Variants in HMGA2 observed in about 807,000 individuals in gnomAD.
HMGA2 encodes high mobility group AT-hook 2, also known as high mobility group protein HMGI-C.
A neutral mutation model predicts 19.1 loss-of-function variants in HMGA2; 8 were observed. That is an observed-to-expected ratio of 0.42 (90% CI 0.25 to 0.76). The LOEUF is 0.76. HMGA2 is among the 30% of genes least tolerant of loss of function. The pLI, the probability that HMGA2 is intolerant of heterozygous loss-of-function variation, is 0.28. For synonymous variants in HMGA2, 60 were observed against 48.8 expected, an observed-to-expected ratio of 1.23 and a Z score of -0.96; for missense variants, 109 against 136.3, an observed-to-expected ratio of 0.80 and a Z score of 1.00.
intron 3 of HMGA2, among the ~76,000 whole-genome samples, chr12:65,869,389 G>C (rs921471389): frequency 6.6e-6 from 1 of 152,242 alleles, no homozygotes; most frequent in Middle Eastern, 3.4e-3. Flanking sequence ...ATTCCATCTG[G>C]GTGGTTGATG....
chr12:65,918,997 A>T (rs778138749), intron 3 of HMGA2, among the ~76,000 whole-genome samples: 8 of 152,216 alleles, frequency 5.3e-5, no homozygotes, highest in Non-Finnish European at 1.2e-4. Flanking sequence ...TACGGTTCTG[A>T]TAAATCTCTC....
At chr12:65,937,635 A>T (rs1363241166) in intron 3 of HMGA2, among the ~76,000 whole-genome samples, 1 of 152,180 alleles carries the variant, frequency 6.6e-6, no homozygotes, top group Non-Finnish European at 1.5e-5. Context: ...TGGTCCACAA[A>T]TCTGGATTTG....
chr12:65,926,311 CAG>C (rs1166904919), intron 3 of HMGA2, among the ~76,000 whole-genome samples: 2 of 152,214 alleles, frequency 1.3e-5, no homozygotes, highest in East Asian at 1.9e-4. Context: ...GCTTCCTACT[CAG>C]GGGGAGGATT....
chr12:65,866,079 A>G (rs1463169243), intron 3 of HMGA2, among the ~76,000 whole-genome samples: 5 of 152,200 alleles, frequency 3.3e-5, no homozygotes, highest in African/African-American at 1.2e-4. Flanking sequence ...GGACCTCTAT[A>G]TTAGAGAGAA....
chr12:65,956,332 G>A (rs969264135), intron 4 of HMGA2: 1 of 152,180 alleles, frequency 6.6e-6, no homozygotes, highest in Non-Finnish European at 1.5e-5. Context: ...CGGTTTTGTT[G>A]TATAGGAAAT....
In HMGA2 at chr12:65,964,759, A is replaced by T; in HGVS notation, c.*1467A>T. On this transcript the variant is annotated 3_prime_UTR_variant, in exon 5 of 5. Coordinates refer to ENST00000403681, the MANE Select transcript of HMGA2 (RefSeq NM_003483.6). ...GTTTTTTTAATTAAAAATTTTTAAA[A>T]TACTTGTTTCAGCTTCTCTGCTAGA... 5.1e-6 allele frequency: 1 copy of T among 196,282 alleles called. No homozygotes were observed. The highest frequency in any genetic ancestry group is 8.0e-5 in the East Asian group (1 of 12,452). The allele number at this position is 196,282 out of a possible 1,614,324, so 12.2% of individuals were successfully genotyped here.
chr12:65,892,511 C>CT (rs1417360771), intron 3 of HMGA2, among the ~76,000 whole-genome samples: 1 of 152,138 alleles, frequency 6.6e-6, no homozygotes, highest in Admixed American at 6.5e-5. Context: ...CTAGCTGACT[C>CT]TTTTTTGTCT....
At chr12:65,849,734 G>GTTTTTTTTTT (rs1309933646) in intron 3 of HMGA2, among the ~76,000 whole-genome samples, 4 of 102,030 alleles carry the variant, frequency 3.9e-5, no homozygotes, top group African/African-American at 2.4e-4. Flanking sequence ...GGTAGGCTCT[G>GTTTTTTTTTT]TATTTTTTTT....
intron 3 of HMGA2, among the ~76,000 whole-genome samples, chr12:65,848,541 A>G (rs1161780563): frequency 1.3e-5 from 2 of 152,196 alleles, no homozygotes; most frequent in South Asian, 2.1e-4. Context: ...AGTTAGAATA[A>G]TAGCTAGCAA....
chr12:65,903,134 A>G (rs1314824625), intron 3 of HMGA2, among the ~76,000 whole-genome samples: 1 of 152,104 alleles, frequency 6.6e-6, no homozygotes, highest in African/African-American at 2.4e-5. Flanking sequence ...TGGGAATACC[A>G]TTTCCCTTCA....
intron 3 of HMGA2, among the ~76,000 whole-genome samples, chr12:65,861,361 G>A (rs547532326): frequency 2.4e-4 from 37 of 151,800 alleles, no homozygotes; most frequent in Admixed American, 4.6e-4. Context: ...GCAAGACTCC[G>A]TCTCAAAACA....
intron 3 of HMGA2, among the ~76,000 whole-genome samples, chr12:65,901,360 C>G (rs552420487): frequency 6.6e-6 from 1 of 152,152 alleles, no homozygotes; most frequent in Non-Finnish European, 1.5e-5. Context: ...AATGAGTAAA[C>G]CTTTGACTTC....
At chr12:65,839,821 G>C (rs1184041654) in intron 3 of HMGA2, among the ~76,000 whole-genome samples, 1 of 152,068 alleles carries the variant, frequency 6.6e-6, no homozygotes, top group African/African-American at 2.4e-5. Flanking sequence ...ACCTCTCAAG[G>C]CTGCCTCTTT....
At chr12:65,869,796 TA>T (rs1872615783) in intron 3 of HMGA2, among the ~76,000 whole-genome samples, 1 of 152,158 alleles carries the variant, frequency 6.6e-6, no homozygotes, top group African/African-American at 2.4e-5. Context: ...GACAGTTGTA[TA>T]AATGAAGAAA....
chr12:65,886,802 C>T (rs1308235066), intron 3 of HMGA2, among the ~76,000 whole-genome samples: 2 of 152,206 alleles, frequency 1.3e-5, no homozygotes, highest in Non-Finnish European at 2.9e-5. Context: ...GACAAAGCTT[C>T]TCAACCCACC....
chr12:65,856,765 T>G (rs1592390728), intron 3 of HMGA2: 1 of 152,488 alleles, frequency 6.6e-6, no homozygotes. Flanking sequence ...TGATCCTTGA[T>G]GCTCCTTGGC....
intron 3 of HMGA2, among the ~76,000 whole-genome samples, chr12:65,933,248 C>T (rs4992846): frequency 0.025 from 3,730 of 152,088 alleles, 91 homozygotes; most frequent in East Asian, 0.088. Context: ...AACCTGGGGA[C>T]GATTCCGTGC....
intron 3 of HMGA2, among the ~76,000 whole-genome samples, chr12:65,898,899 C>G (rs1473795872): frequency 1.3e-5 from 2 of 151,894 alleles, no homozygotes; most frequent in Non-Finnish European, 2.9e-5. Context: ...AAAAAATTAG[C>G]CGGGCGTGGT....
intron 3 of HMGA2, among the ~76,000 whole-genome samples, chr12:65,866,357 T>G: frequency 6.6e-6 from 1 of 152,176 alleles, no homozygotes; most frequent in South Asian, 2.1e-4. Context: ...ACCAAGTTAA[T>G]GTAATGGAGA....
Sources: gnomAD v4.1 joint callset for allele counts (sites outside exome capture counted in the v4.1 genomes callset) on GRCh38, gnomAD v4.1.1 for gene constraint, MANE v1.5 for transcripts, NCBI Gene and HGNC (gene_info 2026-07-23, HGNC 2026-07-21) for gene names.